INPP4B: variants seen among roughly 807,000 people sequenced by gnomAD.
The protein encoded by INPP4B is inositol polyphosphate-4-phosphatase type II B, also known as inositol polyphosphate 4-phosphatase type II.
Under a neutral mutation model 122.5 loss-of-function variants are expected in INPP4B, and 55 were observed. The observed-to-expected ratio is 0.45, with a 90% CI of 0.36 to 0.56. INPP4B has a LOEUF of 0.56. INPP4B is among the 20% of genes least tolerant of loss of function. The pLI is 0.00. For missense variants in INPP4B, 1,000 were observed against 1,097.7 expected, an observed-to-expected ratio of 0.91 and a Z score of 1.26; for synonymous variants, 403 against 388.7, an observed-to-expected ratio of 1.04 and a Z score of -0.43.
At chr4:142,785,747 A>G (rs1210161864) in intron 1 of INPP4B, among the ~76,000 whole-genome samples, 1 of 152,140 alleles carries the variant, frequency 6.6e-6, no homozygotes, top group East Asian at 1.9e-4. Context: ...AGCAGAAGAG[A>G]TGCTTAAAGT....
At position 142,028,706 on chromosome 4, in the gene INPP4B, C is replaced by CA. The variant is rs1158393342; in HGVS notation, c.*75dup. Reference sequence around the variant, plus strand: ...CACCACAAATTCATGACAATAAAAACAAACAAAAAAGACCAAGGTGAAGAT... The same window carrying CA: ...CACCACAAATTCATGACAATAAAAACAAAACAAAAAAGACCAAGGTGAAGAT... On this transcript the variant is annotated 3_prime_UTR_variant, in exon 26 of 26. Coordinates refer to ENST00000262992, the MANE Select transcript of INPP4B (RefSeq NM_001101669.3). 3.4e-6 allele frequency: 5 copies of CA among 1,476,500 alleles called. No individual in the cohort carries two copies. The highest frequency in any genetic ancestry group is 4.6e-6 in the Non-Finnish European group (5 of 1,092,792). 91.5% of individuals were successfully genotyped at this position (1,476,500 alleles called of 1,614,324 possible). A position where few individuals can be genotyped will look rare whatever the true frequency, so the allele number is the denominator to read the frequency against.
chr4:142,719,647 A>G (rs543100425), intron 2 of INPP4B, among the ~76,000 whole-genome samples: 6 of 152,104 alleles, frequency 3.9e-5, no homozygotes, highest in South Asian at 2.1e-4. Flanking sequence ...TTAATTTCTG[A>G]AAAAAATGAG....
intron 25 of INPP4B, among the ~76,000 whole-genome samples, chr4:142,063,650 T>A (rs960662915): frequency 6.6e-6 from 1 of 152,128 alleles, no homozygotes; most frequent in African/African-American, 2.4e-5. Context: ...TATATACACA[T>A]AAATTTATTT....
intron 1 of INPP4B, among the ~76,000 whole-genome samples, chr4:142,825,075 T>C (rs1270807863): frequency 1.3e-5 from 2 of 152,138 alleles, no homozygotes; most frequent in African/African-American, 4.8e-5. Context: ...CTAAAGTACA[T>C]GTCAGACTTT....
intron 7 of INPP4B, among the ~76,000 whole-genome samples, chr4:142,359,366 G>T (rs1784670070): frequency 6.6e-6 from 1 of 151,808 alleles, no homozygotes; most frequent in Admixed American, 6.6e-5. Flanking sequence ...AATAATAACA[G>T]TACCTACCCT....
intron 1 of INPP4B, among the ~76,000 whole-genome samples, chr4:142,775,483 T>A (rs1249078251): frequency 6.8e-6 from 1 of 147,754 alleles, no homozygotes; most frequent in Non-Finnish European, 1.5e-5. Context: ...TCTGCATATT[T>A]TGTTCCCTTC....
intron 2 of INPP4B, among the ~76,000 whole-genome samples, chr4:142,628,041 C>T (rs575267518): frequency 3.3e-5 from 5 of 152,100 alleles, no homozygotes; most frequent in Admixed American, 6.6e-5. Context: ...TATTTGCGTA[C>T]CCAGCCATCC....
chr4:142,349,417 T>G (rs940790894), intron 7 of INPP4B, among the ~76,000 whole-genome samples: 7 of 152,012 alleles, frequency 4.6e-5, no homozygotes, highest in Non-Finnish European at 1.0e-4. Context: ...AAGATCTACT[T>G]TATTATAGTA....
intron 11 of INPP4B, among the ~76,000 whole-genome samples, chr4:142,257,105 C>T (rs1296794516): frequency 2.0e-5 from 3 of 151,970 alleles, no homozygotes; most frequent in Admixed American, 2.0e-4. Context: ...AGACAAAAAC[C>T]ACATGATTAT....
At chr4:142,339,474 T>C (rs1418878589) in intron 7 of INPP4B, among the ~76,000 whole-genome samples, 1 of 152,182 alleles carries the variant, frequency 6.6e-6, no homozygotes, top group African/African-American at 2.4e-5. Context: ...CCTGGAAATA[T>C]GAAAAGTAAT....
chr4:142,156,773 G>T (rs1020686108), intron 17 of INPP4B, among the ~76,000 whole-genome samples: 1 of 151,992 alleles, frequency 6.6e-6, no homozygotes, highest in African/African-American at 2.4e-5. Flanking sequence ...GAGTGAGCAG[G>T]ATTCTCTTTT....
chr4:142,760,286 G>C (rs1771137676), intron 1 of INPP4B, among the ~76,000 whole-genome samples: 1 of 152,072 alleles, frequency 6.6e-6, no homozygotes, highest in Non-Finnish European at 1.5e-5. Context: ...CATTTTAATA[G>C]CTTCTCTGCC....
At chr4:142,112,415 C>T in intron 22 of INPP4B, 127 bp downstream of exon 22, 1 of 995,192 alleles carries the variant, frequency 1.0e-6, no homozygotes, top group Non-Finnish European at 1.5e-6. Context: ...TAATTTGATA[C>T]TGATAAAAAG....
chr4:142,458,378 T>C (rs1815954228), intron 3 of INPP4B, among the ~76,000 whole-genome samples: 1 of 151,826 alleles, frequency 6.6e-6, no homozygotes, highest in Admixed American at 6.6e-5. Context: ...TGTGCATTTG[T>C]CAAAACTCAA....
At chr4:142,459,678 T>C (rs1195996558) in intron 3 of INPP4B, among the ~76,000 whole-genome samples, 1 of 152,162 alleles carries the variant, frequency 6.6e-6, no homozygotes, top group East Asian at 1.9e-4. Flanking sequence ...CAGAGAAGCG[T>C]AATTTCTCTT....
intron 7 of INPP4B, among the ~76,000 whole-genome samples, chr4:142,334,531 C>A (rs1440353919): frequency 6.6e-6 from 1 of 152,158 alleles, no homozygotes; most frequent in African/African-American, 2.4e-5. Flanking sequence ...AACCCCCATA[C>A]TGTTTTCCAT....
intron 16 of INPP4B, among the ~76,000 whole-genome samples, chr4:142,170,667 A>G (rs1308225320): frequency 6.6e-6 from 1 of 151,790 alleles, no homozygotes; most frequent in Non-Finnish European, 1.5e-5. Flanking sequence ...AGCACTTATA[A>G]GAGTATCTCA....
At chr4:142,267,624 G>A (rs921916888) in intron 10 of INPP4B, among the ~76,000 whole-genome samples, 2 of 152,112 alleles carry the variant, frequency 1.3e-5, no homozygotes, top group African/African-American at 4.8e-5. Context: ...GTACTAGGAA[G>A]AAAACATTTA....
At chr4:142,270,589 G>A (rs561057824) in intron 10 of INPP4B, 74 bp downstream of exon 10, 4 of 1,006,668 alleles carry the variant, frequency 4.0e-6, no homozygotes, top group Non-Finnish European at 6.3e-6. Context: ...CCACAGAGAT[G>A]TTGGTGAGAC....
Sources: gnomAD v4.1 joint callset for allele counts (sites outside exome capture counted in the v4.1 genomes callset) on GRCh38, gnomAD v4.1.1 for gene constraint, MANE v1.5 for transcripts, NCBI Gene and HGNC (gene_info 2026-07-23, HGNC 2026-07-21) for gene names.